FAM204A: variants seen among roughly 807,000 people sequenced by gnomAD.
FAM204A encodes protein FAM204A.
Under a neutral mutation model 35.4 loss-of-function variants are expected in FAM204A, and 16 were observed. The observed-to-expected ratio is 0.45, with a 90% CI of 0.31 to 0.69. FAM204A has a LOEUF of 0.69. Among genes scored for constraint, FAM204A ranks in the 30% least tolerant of loss-of-function variants. The probability of loss-of-function intolerance (pLI) is 0.07; values close to 1 mark genes in which losing one functional copy is unlikely to be tolerated. For synonymous variants in FAM204A, 76 were observed against 86.9 expected, an observed-to-expected ratio of 0.88 and a Z score of 0.70; for missense variants, 240 against 265.7, an observed-to-expected ratio of 0.90 and a Z score of 0.67.
At chr10:118,335,787 A>G (rs1028250590) in intron 3 of FAM204A, 146 bp from the exon 4 acceptor site, 51 of 656,612 alleles carry the variant, frequency 7.8e-5, no homozygotes, top group South Asian at 1.3e-4. Flanking sequence ...GAGATGCTCT[A>G]TTCTCTGAGA....
At chr10:118,324,087 A>G (rs1846160683) in intron 7 of FAM204A, among the ~76,000 whole-genome samples, 1 of 152,134 alleles carries the variant, frequency 6.6e-6, no homozygotes, top group Non-Finnish European at 1.5e-5. Flanking sequence ...CACTTTATTA[A>G]AATGAGATAC....
chr10:118,314,475 C>G (rs1415025910), intron 7 of FAM204A, among the ~76,000 whole-genome samples: 1 of 152,176 alleles, frequency 6.6e-6, no homozygotes, highest in East Asian at 1.9e-4. Flanking sequence ...ATAAGACCTT[C>G]TATGAAAGAG....
chr10:118,329,435 T>C (rs1342877344), intron 6 of FAM204A, among the ~76,000 whole-genome samples: 4 of 152,198 alleles, frequency 2.6e-5, no homozygotes, highest in African/African-American at 9.7e-5. Context: ...TGGTCACATT[T>C]ACCATTTTCC....
At position 118,300,626 on chromosome 10, in the gene FAM204A, A is replaced by G. The variant is rs964663012; in HGVS notation, c.*10231T>C. 8 of 152,226 alleles carry G rather than the reference A, an allele frequency of 5.3e-5. No homozygotes were observed. The highest frequency in any genetic ancestry group is 1.9e-4 in the African/African-American group (8 of 41,452). 9.4% of individuals were successfully genotyped at this position (152,226 alleles called of 1,614,324 possible). On this transcript the variant is annotated 3_prime_UTR_variant, in exon 9 of 9. Coordinates refer to ENST00000369183, the MANE Select transcript of FAM204A (RefSeq NM_022063.3). ...TATATCATATTAAATCTCTAAGTATATATCCACTGAGAGCTGTCTGACTCT... is the reference window on the plus strand; with the variant it reads ...TATATCATATTAAATCTCTAAGTATGTATCCACTGAGAGCTGTCTGACTCT...
Position 118,298,361 on chromosome 10 carries a change from T to C in FAM204A, c.*12496A>G, listed in dbSNP as rs566536282. On this transcript the variant is annotated 3_prime_UTR_variant, in exon 9 of 9. Transcript: ENST00000369183. ...TCTGGGTACCTCAGTGTCCTCTTGT[T>C]GTAAAAGTCATTAGGTATGTTTAAA... is the stretch of plus-strand genomic sequence containing the variant. 2 of 152,368 alleles carry C rather than the reference T, an allele frequency of 1.3e-5. No individual in the cohort carries two copies. The highest frequency in any genetic ancestry group is 4.8e-5 in the African/African-American group (2 of 41,578). The allele number at this position is 152,368 out of a possible 1,614,324, so 9.4% of individuals were successfully genotyped here. A position where few individuals can be genotyped will look rare whatever the true frequency, so the allele number is the denominator to read the frequency against.
intron 6 of FAM204A, among the ~76,000 whole-genome samples, chr10:118,330,974 G>T (rs936161594): frequency 6.6e-6 from 1 of 152,112 alleles, no homozygotes; most frequent in Non-Finnish European, 1.5e-5. Flanking sequence ...CATATATATA[G>T]AATACCTAGC....
intron 7 of FAM204A, chr10:118,322,545 C>A: frequency 4.2e-6 from 1 of 236,976 alleles, no homozygotes. Context: ...AACTGAGGAA[C>A]CATTCCAGAT....
intron 6 of FAM204A, among the ~76,000 whole-genome samples, chr10:118,326,871 G>A (rs1846205368): frequency 6.6e-6 from 1 of 152,086 alleles, no homozygotes; most frequent in South Asian, 2.1e-4. Context: ...AAACAGCAGA[G>A]GAAAATTATA....
rs1390631675 is a variant in FAM204A, at chr10:118,310,591, A to G, written c.*266T>C. 2 of 417,292 alleles carry G rather than the reference A, an allele frequency of 4.8e-6. No individual in the cohort carries two copies. The highest frequency in any genetic ancestry group is 4.8e-5 in the East Asian group (1 of 20,786). 25.8% of individuals were successfully genotyped at this position (417,292 alleles called of 1,614,324 possible). A position where few individuals can be genotyped will look rare whatever the true frequency, so the allele number is the denominator to read the frequency against. On this transcript the variant is annotated 3_prime_UTR_variant, in exon 9 of 9. Coordinates refer to ENST00000369183, the MANE Select transcript of FAM204A (RefSeq NM_022063.3). Reference sequence around the variant, plus strand: ...GTGATTTTATACCAAGGGTCCATCCATACAAATAAACAAAATCCTATCCTC... The same window carrying G: ...GTGATTTTATACCAAGGGTCCATCCGTACAAATAAACAAAATCCTATCCTC...
At chr10:118,315,682 A>G (rs1846019316) in intron 7 of FAM204A, among the ~76,000 whole-genome samples, 1 of 152,154 alleles carries the variant, frequency 6.6e-6, no homozygotes, top group South Asian at 2.1e-4. Flanking sequence ...CAAGCTCAAC[A>G]TTAATGTCAA....
rs1484825081 is a variant in FAM204A at position 118,308,028 on chromosome 10, C to A, written c.*2829G>T. 6.6e-6 allele frequency: 1 copy of A among 152,210 alleles called. No individual in the cohort carries two copies. The allele number at this position is 152,210 out of a possible 1,614,324, so 9.4% of individuals were successfully genotyped here. ...AGATTATATATTCAATCTCTCCTTT[C>A]GGTGAAAGACATAGAATGTTCTGCT... On this transcript the variant is annotated 3_prime_UTR_variant, in exon 9 of 9. Coordinates refer to ENST00000369183, the MANE Select transcript of FAM204A (RefSeq NM_022063.3).
chr10:118,324,970 A>G (rs1846175094), intron 7 of FAM204A, among the ~76,000 whole-genome samples: 1 of 152,020 alleles, frequency 6.6e-6, no homozygotes, highest in South Asian at 2.1e-4. Context: ...AATTTCCTTT[A>G]TATTAGTCAT....
chr10:118,334,545 C>T (rs1346409583), intron 6 of FAM204A, among the ~76,000 whole-genome samples: 4 of 152,168 alleles, frequency 2.6e-5, no homozygotes, highest in Admixed American at 6.5e-5. Flanking sequence ...AACAGTCATA[C>T]GAATCTTTTT....
rs952303735 is a variant in FAM204A at position 118,302,814 on chromosome 10, T to C, written c.*8043A>G. 2.0e-5 allele frequency: 3 copies of C among 152,262 alleles called. No homozygotes were observed. Among genetic ancestry groups the C allele is most frequent in the Admixed American group, 6.5e-5 (1 of 15,288 alleles). The allele number at this position is 152,262 out of a possible 1,614,324, so 9.4% of individuals were successfully genotyped here. On this transcript the variant is annotated 3_prime_UTR_variant, in exon 9 of 9. Coordinates refer to ENST00000369183, the MANE Select transcript of FAM204A (RefSeq NM_022063.3). ...CTTCCCTATGGTTTGTGATAAGACA[T>C]GTGCAAGTTGCACTGACTTGCTTTC...
chr10:118,332,618 T>C (rs977815026), intron 6 of FAM204A, among the ~76,000 whole-genome samples: 2 of 151,678 alleles, frequency 1.3e-5, no homozygotes, highest in African/African-American at 2.4e-5. Flanking sequence ...TGGAGAACCA[T>C]GTAAGAGTCT....
chr10:118,318,242 A>G (rs909208955), intron 7 of FAM204A, among the ~76,000 whole-genome samples: 2 of 152,056 alleles, frequency 1.3e-5, no homozygotes, highest in African/African-American at 2.4e-5. Context: ...CAGTAATAAA[A>G]TTTGAAAGAG....
intron 7 of FAM204A, among the ~76,000 whole-genome samples, chr10:118,323,298 C>T (rs923085843): frequency 6.6e-6 from 1 of 152,048 alleles, no homozygotes; most frequent in African/African-American, 2.4e-5. Flanking sequence ...GCCTGTCTTA[C>T]GCTTTACTCG....
intron 6 of FAM204A, among the ~76,000 whole-genome samples, chr10:118,332,901 TTAA>T (rs1227595548): frequency 2.0e-5 from 3 of 152,178 alleles, no homozygotes; most frequent in African/African-American, 7.2e-5. Flanking sequence ...TATAGTGAAA[TTAA>T]TGAGTGAAAT....
intron 6 of FAM204A, among the ~76,000 whole-genome samples, chr10:118,327,924 C>T (rs899658485): frequency 3.9e-5 from 6 of 152,188 alleles, no homozygotes; most frequent in Non-Finnish European, 2.9e-5. Context: ...AATCACACCA[C>T]TGCGGTTTAA....
Sources: gnomAD v4.1 joint callset for allele counts (sites outside exome capture counted in the v4.1 genomes callset) on GRCh38, gnomAD v4.1.1 for gene constraint, MANE v1.5 for transcripts, NCBI Gene and HGNC (gene_info 2026-07-23, HGNC 2026-07-21) for gene names.